PRUNE2: variants seen among roughly 807,000 people sequenced by gnomAD.
PRUNE2 encodes protein prune homolog 2.
In PRUNE2, 164 loss-of-function variants were observed where a neutral mutation model predicts 252.0. That is an observed-to-expected ratio of 0.65 (90% CI 0.57 to 0.74). The LOEUF is 0.74. PRUNE2 is among the 30% of genes least tolerant of loss of function. The pLI is 0.00. For missense variants in PRUNE2, 3,495 were observed against 3,711.0 expected, an observed-to-expected ratio of 0.94 and a Z score of 1.51; for synonymous variants, 1,292 against 1,350.2, an observed-to-expected ratio of 0.96 and a Z score of 0.94.
chr9:76,624,053 T>G (rs1833605623), intron 17 of PRUNE2, among the ~76,000 whole-genome samples: 1 of 152,226 alleles, frequency 6.6e-6, no homozygotes. Context: ...TGAAATTGAT[T>G]CTACAAAAAT....
intron 1 of PRUNE2, among the ~76,000 whole-genome samples, chr9:76,888,371 G>T (rs1237162554): frequency 6.6e-6 from 1 of 152,158 alleles, no homozygotes; most frequent in Non-Finnish European, 1.5e-5. Flanking sequence ...AGGGTCAAGA[G>T]ATCAAGACCA....
At chr9:76,834,928 G>A (rs910024226) in intron 4 of PRUNE2, among the ~76,000 whole-genome samples, 1 of 152,160 alleles carries the variant, frequency 6.6e-6, no homozygotes, top group Non-Finnish European at 1.5e-5. Flanking sequence ...TATTTTTGTA[G>A]CAAGCACTGA....
At chr9:76,763,968 C>T (rs1336489905) in intron 6 of PRUNE2, among the ~76,000 whole-genome samples, 2 of 152,220 alleles carry the variant, frequency 1.3e-5, no homozygotes, top group East Asian at 3.8e-4. Flanking sequence ...CACATTTGGA[C>T]AAGACTTCAC....
At position 76,711,334 on chromosome 9, in the gene PRUNE2, GACACTCTTCCAGC is replaced by G; in HGVS notation, c.927_939del (p.Glu309AspfsTer6). ...GGCTCCAGTTCTAGGCAAGGGTTCT[GACACTCTTCCAGC>G]TCACAGCAAATCTGTCGGAAGGCAC... On this transcript the variant is annotated frameshift_variant, in exon 8 of 19. Transcript: ENST00000376718. LOFTEE classifies it high-confidence loss of function. 6.2e-7 allele frequency: 1 copy of G among 1,612,626 alleles called. No homozygotes were observed. The highest frequency in any genetic ancestry group is 8.5e-7 in the Non-Finnish European group (1 of 1,179,432).
chr9:76,713,285 GA>G (rs2046880693), intron 7 of PRUNE2, among the ~76,000 whole-genome samples: 1 of 152,182 alleles, frequency 6.6e-6, no homozygotes, highest in African/African-American at 2.4e-5. Context: ...AGTCCTAGAA[GA>G]AAATAGCACC....
intron 6 of PRUNE2, among the ~76,000 whole-genome samples, chr9:76,777,778 T>TTA (rs1433153795): frequency 6.6e-6 from 1 of 152,192 alleles, no homozygotes; most frequent in Non-Finnish European, 1.5e-5. Context: ...AAGTATTATT[T>TTA]TATATAAGAT....
chr9:76,787,708 C>G (rs907399829), intron 6 of PRUNE2: 1 of 152,234 alleles, frequency 6.6e-6, no homozygotes, highest in African/African-American at 2.4e-5. Context: ...CACTGCTTTG[C>G]TCCAGTCCTG....
intron 6 of PRUNE2, among the ~76,000 whole-genome samples, chr9:76,789,454 C>G (rs1015053870): frequency 1.3e-5 from 2 of 152,204 alleles, no homozygotes; most frequent in Non-Finnish European, 2.9e-5. Context: ...AGGAATCACA[C>G]CTTCTTTCCA....
intron 15 of PRUNE2, among the ~76,000 whole-genome samples, chr9:76,635,450 C>T (rs1384026544): frequency 6.6e-6 from 1 of 152,018 alleles, no homozygotes; most frequent in East Asian, 1.9e-4. Flanking sequence ...GTGGTTTCTT[C>T]TTGTGTATAA....
At chr9:76,777,427 G>A (rs114852033) in intron 6 of PRUNE2, among the ~76,000 whole-genome samples, 1,738 of 152,252 alleles carry the variant, frequency 0.011, 31 homozygotes, top group African/African-American at 0.039. Context: ...GCTATCCCAG[G>A]CACAGAGCTC....
At chr9:76,700,726 C>T (rs2045807850) in intron 9 of PRUNE2, among the ~76,000 whole-genome samples, 1 of 152,138 alleles carries the variant, frequency 6.6e-6, no homozygotes, top group African/African-American at 2.4e-5. Flanking sequence ...GTATCATGGG[C>T]CCTGGGCACT....
At chr9:76,718,802 A>G (rs1357713567) in intron 6 of PRUNE2, among the ~76,000 whole-genome samples, 1 of 152,184 alleles carries the variant, frequency 6.6e-6, no homozygotes, top group Non-Finnish European at 1.5e-5. Flanking sequence ...AAGTATCTCA[A>G]GTAAAATATG....
chr9:76,810,001 G>T (rs1421256872), intron 6 of PRUNE2, among the ~76,000 whole-genome samples: 2 of 152,198 alleles, frequency 1.3e-5, no homozygotes, highest in East Asian at 3.9e-4. Context: ...GGGCTTCACG[G>T]GCAGGAAGGT....
Position 76,619,370 on chromosome 9 carries a change from T to C in PRUNE2, c.9206A>G (p.Asn3069Ser), listed in dbSNP as rs757905937. 2 of 1,606,748 alleles carry C rather than the reference T, an allele frequency of 1.2e-6. No individual in the cohort carries two copies. The highest frequency in any genetic ancestry group is 2.2e-5 in the East Asian group (1 of 44,742). ...CTCCATAGAAGACATTTCTGGATCA[T>C]TGTAAAGGCAGCTAGTTCTGAGTGC... ...SEAAKTSCLY[N>S]DPEMSSMEKD... Residue 3069 changes from asparagine to serine, a missense_variant, in exon 18 of 19, where the codon AAT becomes AGT. Coordinates refer to ENST00000376718, the MANE Select transcript of PRUNE2 (RefSeq NM_015225.3).
In PRUNE2 at chr9:76,854,125, T is replaced by C. The variant is rs936059527; in HGVS notation, c.120A>G (p.Thr40=). Residue 40 remains threonine, a synonymous_variant, in exon 2 of 19, where the codon ACA becomes ACG. Coordinates refer to ENST00000376718, the MANE Select transcript of PRUNE2 (RefSeq NM_015225.3). ...CDLDSLISTF[T]YAYFLDKVSP... ...TCACCTTGTCTAGAAAGTAAGCATA[T>C]GTGAAGGTAGAAATGAGAGAATCCA... The C allele has an allele frequency of 6.3e-7, 1 of 1,592,184 alleles. No homozygotes were observed. The highest frequency in any genetic ancestry group is 1.1e-5 in the South Asian group (1 of 89,002).
rs1449027336 is a variant in PRUNE2, at chr9:76,612,431, G to A, written c.*2139C>T. 6.6e-6 allele frequency: 1 copy of A among 152,152 alleles called. No homozygotes were observed. Among genetic ancestry groups the A allele is most frequent in the African/African-American group, 2.4e-5 (1 of 41,428 alleles). 9.4% of individuals were successfully genotyped at this position (152,152 alleles called of 1,614,324 possible). ...GATTTTTCATTACTTCCTGTGACAG[G>A]GTGACCATGGAATTCATTTTACAAA... On this transcript the variant is annotated 3_prime_UTR_variant, in exon 19 of 19. Transcript: ENST00000376718.
At position 76,651,713 on chromosome 9, in the gene PRUNE2, G is replaced by C. The variant is rs148732601; in HGVS notation, c.8557+770C>G. On this transcript the variant is annotated intron_variant, in intron 11 of 18. Transcript: ENST00000376718. ...AGTTCATATCAGGAGTGTCAGTCTT[G>C]GATGATCTGAAAACTTTTAATTATC... 6.9e-3 allele frequency among the ~76,000 whole-genome samples: 1,047 copies of C among 152,222 alleles called. 19 individuals are homozygous for C. The highest frequency in any genetic ancestry group is 0.024 in the African/African-American group (981 of 41,554).
chr9:76,861,260 T>C (rs1002854190), intron 1 of PRUNE2, among the ~76,000 whole-genome samples: 4 of 152,232 alleles, frequency 2.6e-5, no homozygotes, highest in African/African-American at 4.8e-5. Flanking sequence ...CTCTTGATAC[T>C]GGCCCTGGGT....
At chr9:76,823,792 C>T (rs1458239307) in intron 5 of PRUNE2, 66 bp from the exon 6 acceptor site, 8 of 947,214 alleles carry the variant, frequency 8.4e-6, no homozygotes, top group East Asian at 4.8e-5. Context: ...TAATATCAAG[C>T]GATGTTTTGA....
Sources: allele counts gnomAD v4.1 joint callset (sites outside exome capture counted in the v4.1 genomes callset), GRCh38; gene constraint gnomAD v4.1.1; transcripts MANE v1.5; gene names NCBI Gene and HGNC (gene_info 2026-07-23, HGNC 2026-07-21).